Variants in MAPK10 observed in about 807,000 individuals in gnomAD.
The protein encoded by MAPK10 is mitogen-activated protein kinase 10, also known as JNK3 alpha protein kinase.
Under a neutral mutation model 59.3 loss-of-function variants are expected in MAPK10, and 25 were observed. That is an observed-to-expected ratio of 0.42 (90% CI 0.31 to 0.59). MAPK10 has a LOEUF of 0.59. Ranked by LOEUF, MAPK10 falls within the 20% of genes least tolerant of loss-of-function variation. The pLI is 0.15. For synonymous variants in MAPK10, 190 were observed against 200.5 expected, an observed-to-expected ratio of 0.95 and a Z score of 0.44; for missense variants, 351 against 568.9, an observed-to-expected ratio of 0.62 and a Z score of 3.90.
intron 1 of MAPK10, among the ~76,000 whole-genome samples, chr4:86,547,469 C>T (rs941470859): frequency 4.9e-4 from 75 of 152,338 alleles, no homozygotes; most frequent in Admixed American, 3.4e-3. Context: ...CAAAATTTCT[C>T]GCCGGGCCTT....
intron 11 of MAPK10, among the ~76,000 whole-genome samples, chr4:86,039,258 A>G (rs1311830416): frequency 6.6e-6 from 1 of 152,184 alleles, no homozygotes; most frequent in African/African-American, 2.4e-5. Context: ...TAGCACGGAA[A>G]CAAGAAAAGA....
At chr4:86,300,181 C>T (rs2095442910) in intron 2 of MAPK10, among the ~76,000 whole-genome samples, 1 of 152,176 alleles carries the variant, frequency 6.6e-6, no homozygotes, top group East Asian at 1.9e-4. Context: ...GCATGAACCA[C>T]CTCACCTGGC....
At chr4:86,304,281 A>G (rs1262978681) in intron 2 of MAPK10, among the ~76,000 whole-genome samples, 3 of 151,230 alleles carry the variant, frequency 2.0e-5, no homozygotes, top group Non-Finnish European at 2.9e-5. Flanking sequence ...GAAGAATTTT[A>G]AACCTTGAAG....
chr4:86,121,456 T>A (rs2059235099), intron 4 of MAPK10, among the ~76,000 whole-genome samples: 1 of 152,174 alleles, frequency 6.6e-6, no homozygotes, highest in Non-Finnish European at 1.5e-5. Flanking sequence ...GAGATTAAGT[T>A]TCAATATATG....
Position 86,195,920 on chromosome 4 carries a change from A to C in MAPK10, c.-6-1513T>G, listed in dbSNP as rs191944231. Reference sequence around the variant, plus strand: ...GAACTCATCCTCTTTACGGATGCATAGTATTGCATGGTGTATATGTGTCAT... The same window carrying C: ...GAACTCATCCTCTTTACGGATGCATCGTATTGCATGGTGTATATGTGTCAT... On this transcript the variant is annotated intron_variant, in intron 2 of 13. Transcript: ENST00000641462. 1.1e-4 allele frequency among the ~76,000 whole-genome samples: 17 copies of C among 152,338 alleles called. No individual in the cohort carries two copies. The East Asian group carries it at 3.3e-3, about 29-fold the overall frequency.
intron 13 of MAPK10, among the ~76,000 whole-genome samples, chr4:86,019,347 A>C (rs1412134660): frequency 6.6e-6 from 1 of 152,148 alleles, no homozygotes; most frequent in African/African-American, 2.4e-5. Flanking sequence ...TTCTAATCTT[A>C]AATGTCTCTA....
intron 4 of MAPK10, among the ~76,000 whole-genome samples, chr4:86,128,143 A>C (rs545908260): frequency 6.6e-6 from 1 of 152,242 alleles, no homozygotes; most frequent in East Asian, 1.9e-4. Flanking sequence ...CAAGTGCCAA[A>C]ATCAAGACTT....
intron 1 of MAPK10, among the ~76,000 whole-genome samples, chr4:86,510,704 T>C (rs1395702024): frequency 2.0e-5 from 3 of 152,062 alleles, no homozygotes; most frequent in Non-Finnish European, 4.4e-5. Flanking sequence ...AATTCAGCCA[T>C]TAATAAAGAG....
intron 1 of MAPK10, among the ~76,000 whole-genome samples, chr4:86,433,070 G>A (rs1014845526): frequency 1.3e-5 from 2 of 152,156 alleles, no homozygotes; most frequent in Non-Finnish European, 2.9e-5. Flanking sequence ...CCCTCCTCTT[G>A]TAGATTTTTC....
chr4:86,485,501 A>G (rs1048950268), intron 1 of MAPK10, among the ~76,000 whole-genome samples: 1 of 152,230 alleles, frequency 6.6e-6, no homozygotes, highest in African/African-American at 2.4e-5. Flanking sequence ...TAAGTAAATT[A>G]ATGAATGATC....
At chr4:86,117,060 C>T (rs2058397838) in intron 4 of MAPK10, among the ~76,000 whole-genome samples, 1 of 152,176 alleles carries the variant, frequency 6.6e-6, no homozygotes, top group South Asian at 2.1e-4. Context: ...TCAAGTATAT[C>T]CCATGACATC....
intron 11 of MAPK10, chr4:86,031,712 C>T (rs758461964): frequency 6.2e-5 from 20 of 323,284 alleles, no homozygotes; most frequent in Middle Eastern, 9.2e-4. Context: ...TTAGAACCCA[C>T]GCCTAAGCAA....
chr4:86,582,992 ATCTT>A (rs1260616644), intron 1 of MAPK10, among the ~76,000 whole-genome samples: 2 of 152,196 alleles, frequency 1.3e-5, no homozygotes, highest in East Asian at 3.9e-4. Context: ...GCTCATAAAG[ATCTT>A]TCTTATTTAA....
chr4:86,461,932 A>AC (rs1269101515), intron 1 of MAPK10, among the ~76,000 whole-genome samples: 3 of 152,000 alleles, frequency 2.0e-5, no homozygotes, highest in African/African-American at 4.8e-5. Flanking sequence ...GTTAGCATAC[A>AC]CCCCCCAAAT....
intron 1 of MAPK10, among the ~76,000 whole-genome samples, chr4:86,490,612 A>G (rs1196193901): frequency 6.6e-6 from 1 of 152,250 alleles, no homozygotes; most frequent in African/African-American, 2.4e-5. Context: ...AGAGACAAGT[A>G]GGGACTAAAG....
chr4:86,166,112 G>A (rs1205456351), intron 3 of MAPK10, among the ~76,000 whole-genome samples: 1 of 152,096 alleles, frequency 6.6e-6, no homozygotes, highest in Admixed American at 6.6e-5. Flanking sequence ...ATACTTATTA[G>A]GCACCAAGCT....
chr4:86,359,053 C>T (rs754246318), intron 1 of MAPK10, among the ~76,000 whole-genome samples: 5 of 151,980 alleles, frequency 3.3e-5, no homozygotes, highest in African/African-American at 4.8e-5. Flanking sequence ...GCAAGAGTAA[C>T]GCCAATAGTT....
At chr4:86,509,923 TTA>T (rs1423623448) in intron 1 of MAPK10, among the ~76,000 whole-genome samples, 2 of 152,206 alleles carry the variant, frequency 1.3e-5, no homozygotes, top group Non-Finnish European at 2.9e-5. Context: ...GTATATGTGT[TTA>T]TGTGTGTTGA....
intron 1 of MAPK10, among the ~76,000 whole-genome samples, chr4:86,438,796 T>C (rs1293442562): frequency 6.6e-6 from 1 of 151,726 alleles, no homozygotes; most frequent in African/African-American, 2.4e-5. Flanking sequence ...CATGCAAGTC[T>C]GACTCGAGCA....
Sources: allele counts gnomAD v4.1 joint callset (sites outside exome capture counted in the v4.1 genomes callset), GRCh38; gene constraint gnomAD v4.1.1; transcripts MANE v1.5; gene names NCBI Gene and HGNC (gene_info 2026-07-23, HGNC 2026-07-21).